ZNF723: variants seen among roughly 807,000 people sequenced by gnomAD.
The protein encoded by ZNF723 is zinc finger protein 723, also known as zinc finger protein 723, pseudogene.
ZNF723 carries 5 observed loss-of-function variants against 9.4 expected under a neutral mutation model. That is an observed-to-expected ratio of 0.53 (90% CI 0.28 to 1.12). The LOEUF (loss-of-function observed/expected upper bound fraction) is 1.12. Among genes scored for constraint, ZNF723 ranks in the 50% most tolerant of loss-of-function variants. The pLI, the probability that ZNF723 is intolerant of heterozygous loss-of-function variation, is 0.10. For synonymous variants in ZNF723, 158 were observed against 168.8 expected, an observed-to-expected ratio of 0.94 and a Z score of 0.49; for missense variants, 450 against 501.5, an observed-to-expected ratio of 0.90 and a Z score of 0.98.
At chr19:22,816,686 A>T in the ZNF723 span, among the ~76,000 whole-genome samples, 1 of 152,208 alleles carries the variant, frequency 6.6e-6, no homozygotes, top group African/African-American at 2.4e-5. Context: ...CATTTAGTCA[A>T]TGCGAATCTA....
the ZNF723 span, among the ~76,000 whole-genome samples, chr19:22,826,653 C>T: frequency 6.6e-6 from 1 of 152,178 alleles, no homozygotes; most frequent in Non-Finnish European, 1.5e-5. Flanking sequence ...TATGTGGATA[C>T]AGCCACCAGT....
At chr19:22,825,860 TG>T in the ZNF723 span, among the ~76,000 whole-genome samples, 3 of 152,220 alleles carry the variant, frequency 2.0e-5, no homozygotes, top group African/African-American at 7.2e-5. Flanking sequence ...GATGGTATTG[TG>T]ACATGTAAGT....
rs556227050 is a variant in ZNF723, at chr19:22,853,001, A to G, written c.226+3708A>G. Among the ~76,000 whole-genome samples the G allele has an allele frequency of 3.1e-4, 47 of 152,090 alleles. 1 individual carries two copies. The highest frequency in any genetic ancestry group is 5.3e-4 in the Non-Finnish European group (36 of 67,998). ...GCTTATAAATCCTGAGTGATATTCC[A>G]GTATTTTTATATTTCAAATTATTTC... is the stretch of plus-strand genomic sequence containing the variant. On this transcript the variant is annotated intron_variant, in intron 3 of 3. Transcript: ENST00000600766.
Position 22,857,788 on chromosome 19 carries a change from C to A in ZNF723, c.897C>A (p.Ser299Arg), listed in dbSNP as rs759803976. 1.1e-5 allele frequency: 15 copies of A among 1,346,020 alleles called. No homozygotes were observed. Among genetic ancestry groups the A allele is most frequent in the African/African-American group, 2.9e-5 (2 of 69,484 alleles). 83.4% of individuals were successfully genotyped at this position (1,346,020 alleles called of 1,614,324 possible). Reference protein sequence around the residue: ...ECGKAFNVFSSLNNHKRIHTG... With the variant: ...ECGKAFNVFSRLNNHKRIHTG... The stretch of plus-strand genomic sequence containing the variant: ...GCAAAGCCTTTAATGTGTTCTCAAG[C>A]CTTAATAATCATAAGAGAATTCATA... The change falls in exon 4 of 4, where the codon AGC (serine) becomes AGA (arginine). Residue 299 changes from serine (S) to arginine (R), a missense_variant. Ser to Arg is a moderately radical substitution (Grantham distance 110). This residue lies in a region of ZNF723 where 237 missense variants were observed against 332.2 expected (regional missense o/e 0.71). Coordinates refer to ENST00000600766, the MANE Select transcript of ZNF723 (RefSeq NM_001349726.2).
At chr19:22,838,055 C>T (rs1045438798) in intron 1 of ZNF723, among the ~76,000 whole-genome samples, 11 of 152,232 alleles carry the variant, frequency 7.2e-5, no homozygotes, top group Middle Eastern at 3.4e-3. Context: ...TAGGGGTACA[C>T]GTGCAGGTTT....
At chr19:22,837,279 AAAAAAAAAAAAAGAAAGAAAG>A (rs909137501) in intron 1 of ZNF723, among the ~76,000 whole-genome samples, 2 of 149,134 alleles carry the variant, frequency 1.3e-5, no homozygotes, top group African/African-American at 5.0e-5. Flanking sequence ...TCTGGCTTAA[AAAAAAAAAAAAAGAAAGAAAG>A]AAAAAAGAAA....
At chr19:22,856,606 T>G (rs1226458901) in intron 3 of ZNF723, among the ~76,000 whole-genome samples, 3 of 152,232 alleles carry the variant, frequency 2.0e-5, no homozygotes, top group African/African-American at 7.2e-5. Flanking sequence ...CCTGTGGTAC[T>G]GCAGTTTCTC....
intron 1 of ZNF723, among the ~76,000 whole-genome samples, chr19:22,846,555 G>T (rs1021023732): frequency 6.6e-6 from 1 of 152,132 alleles, no homozygotes; most frequent in Non-Finnish European, 1.5e-5. Context: ...CCCGGGAGGT[G>T]GAGGTTGCAC....
upstream of ZNF723, among the ~76,000 whole-genome samples, chr19:22,828,677 T>G (rs1351924136): frequency 6.6e-6 from 1 of 151,760 alleles, no homozygotes; most frequent in African/African-American, 2.4e-5. Context: ...AACAAAGTTA[T>G]TGGAGGCCAT....
intron 1 of ZNF723, among the ~76,000 whole-genome samples, chr19:22,836,669 A>G (rs1244110539): frequency 1.3e-5 from 2 of 152,230 alleles, no homozygotes; most frequent in East Asian, 1.9e-4. Flanking sequence ...GGAAGAAGAT[A>G]AACTTAAGTG....
At chr19:22,816,445 T>C in the ZNF723 span, among the ~76,000 whole-genome samples, 7 of 152,352 alleles carry the variant, frequency 4.6e-5, no homozygotes, top group Middle Eastern at 3.4e-3. Flanking sequence ...TTAAGGCTTT[T>C]ATGAACAGAT....
At chr19:22,846,786 G>C (rs891889611) in intron 1 of ZNF723, among the ~76,000 whole-genome samples, 1 of 115,838 alleles carries the variant, frequency 8.6e-6, no homozygotes. Flanking sequence ...TGATGTTTCT[G>C]TATGGTTGCA....
chr19:22,850,725 T>C (rs986481617), intron 3 of ZNF723, among the ~76,000 whole-genome samples: 6 of 152,134 alleles, frequency 3.9e-5, no homozygotes, highest in Non-Finnish European at 7.4e-5. Context: ...GATATGAAGT[T>C]ACTATTAAGA....
intron 1 of ZNF723, among the ~76,000 whole-genome samples, chr19:22,833,069 G>C (rs1967117836): frequency 6.6e-6 from 1 of 152,066 alleles, no homozygotes; most frequent in African/African-American, 2.4e-5. Flanking sequence ...ATAAATAAAT[G>C]CATTTGAGTT....
In ZNF723 at chr19:22,855,869, G is replaced by T. The variant is rs1055047853; in HGVS notation, c.227-1249G>T. Among the ~76,000 whole-genome samples, 9 of 152,060 alleles carry T rather than the reference G, an allele frequency of 5.9e-5. No individual in the cohort carries two copies. In the East Asian group the frequency reaches 1.5e-3, roughly 26 times the overall value. On this transcript the variant is annotated intron_variant, in intron 3 of 3. Transcript: ENST00000600766. ...GACTTTTAAAAGTGTGCTTATATAT[G>T]TGTTTGTTATAAGTATCTTTGTGTG...
rs1967515138 is a variant in ZNF723, at chr19:22,858,370, C to A, written c.1479C>A (p.Ser493=). The part of the protein sequence containing the change: ...CEECGKAFNK[S]SILNRHKIIH... ...AATGTGGCAAAGCCTTTAACAAGTC[C>A]TCAATTCTTAACAGACATAAGATAA... The change falls in exon 4 of 4, where the codon TCC becomes TCA. Residue 493 remains serine (S), a synonymous_variant. Coordinates refer to ENST00000600766, the MANE Select transcript of ZNF723 (RefSeq NM_001349726.2). 2.2e-6 allele frequency: 2 copies of A among 901,476 alleles called. No individual in the cohort carries two copies. The highest frequency in any genetic ancestry group is 1.4e-5 in the South Asian group (1 of 69,190). 55.8% of individuals were successfully genotyped at this position (901,476 alleles called of 1,614,324 possible). A position where few individuals can be genotyped will look rare whatever the true frequency, so the allele number is the denominator to read the frequency against.
At chr19:22,821,096 G>A in the ZNF723 span, among the ~76,000 whole-genome samples, 53,409 of 152,050 alleles carry the variant, frequency 0.35, 9,535 homozygotes, top group African/African-American at 0.43. Flanking sequence ...GTGTCTTCAC[G>A]CAGGAATACA....
intron 1 of ZNF723, among the ~76,000 whole-genome samples, chr19:22,846,710 CCTT>C (rs1437992512): frequency 6.6e-6 from 1 of 151,862 alleles, no homozygotes. Flanking sequence ...AAAAAAGACT[CCTT>C]AAAATCACTA....
intron 1 of ZNF723, among the ~76,000 whole-genome samples, chr19:22,842,696 CTATAAGGTGATCT>C (rs67628152): frequency 0.21 from 31,902 of 152,002 alleles, 3,963 homozygotes; most frequent in African/African-American, 0.35. Flanking sequence ...AAAGCAGCCT[CTATAAGGTGATCT>C]TTCCTTTGAT....
Sources: allele counts gnomAD v4.1 joint callset (sites outside exome capture counted in the v4.1 genomes callset), GRCh38; gene constraint gnomAD v4.1.1; regional missense constraint gnomAD v4.1.1; transcripts MANE v1.5; gene names NCBI Gene and HGNC (gene_info 2026-07-23, HGNC 2026-07-21).